ASXL1: variants seen among roughly 807,000 people sequenced by gnomAD.
The protein encoded by ASXL1 is ASXL transcriptional regulator 1.
A neutral mutation model predicts 89.1 loss-of-function variants in ASXL1; 65 were observed. The observed-to-expected ratio is 0.73, with a 90% CI of 0.60 to 0.90. The LOEUF (loss-of-function observed/expected upper bound fraction) is 0.90. ASXL1 is among the 40% of genes least tolerant of loss of function. The probability of loss-of-function intolerance (pLI) is 0.00; values close to 1 mark genes in which losing one functional copy is unlikely to be tolerated. For missense variants in ASXL1, 1,786 were observed against 1,942.9 expected (o/e 0.92, Z 1.52); for synonymous variants, 739 against 746.9 (o/e 0.99, Z 0.17).
At chr20:32,400,425 T>C (rs968967443) in intron 4 of ASXL1, among the ~76,000 whole-genome samples, 5 of 152,230 alleles carry the variant, frequency 3.3e-5, no homozygotes, top group African/African-American at 1.2e-4. Flanking sequence ...ATTTGTTAGC[T>C]GGGAACGGTG....
intron 4 of ASXL1, among the ~76,000 whole-genome samples, chr20:32,376,058 C>T (rs1459278721): frequency 2.0e-5 from 3 of 151,936 alleles, no homozygotes; most frequent in African/African-American, 7.3e-5. Flanking sequence ...TGTTTTACTG[C>T]CAGTACTAAT....
intron 4 of ASXL1, among the ~76,000 whole-genome samples, chr20:32,410,909 T>C (rs2049030381): frequency 6.6e-6 from 1 of 151,730 alleles, no homozygotes; most frequent in Admixed American, 6.6e-5. Context: ...CGCATGCCTG[T>C]AATCTCAGCT....
chr20:32,373,241 G>A (rs1460915469), intron 4 of ASXL1, among the ~76,000 whole-genome samples: 2 of 151,896 alleles, frequency 1.3e-5, no homozygotes, highest in East Asian at 4.0e-4. Context: ...GCCGGGCGTG[G>A]TTGTGCACGC....
chr20:32,399,391 TGAGCATTA>T (rs2048829329), intron 4 of ASXL1, among the ~76,000 whole-genome samples: 2 of 152,170 alleles, frequency 1.3e-5, no homozygotes, highest in Admixed American at 6.5e-5. Context: ...TTACTGGTTT[TGAGCATTA>T]GATTATGATA....
At chr20:32,382,120 CTATTTTTATTTTTTATTTTT>C (rs1233361039) in intron 4 of ASXL1, among the ~76,000 whole-genome samples, 4 of 151,796 alleles carry the variant, frequency 2.6e-5, no homozygotes, top group African/African-American at 9.7e-5. Context: ...CCAGGCCTGG[CTATTTTTATTTTTTATTTTT>C]TATTTTTATT....
intron 4 of ASXL1, among the ~76,000 whole-genome samples, chr20:32,426,026 A>G (rs1050845008): frequency 6.6e-6 from 1 of 152,194 alleles, no homozygotes; most frequent in African/African-American, 2.4e-5. Context: ...TGTAGTCTAA[A>G]TACAAGTTCT....
intron 12 of ASXL1, 156 bp from the exon 13 acceptor site, chr20:32,434,276 T>C: frequency 1.0e-6 from 1 of 973,616 alleles, no homozygotes; most frequent in Non-Finnish European, 1.6e-6. Context: ...TGGTGTGTTA[T>C]GGCGCCATTT....
At chr20:32,402,011 C>T (rs1569286083) in intron 4 of ASXL1, among the ~76,000 whole-genome samples, 1 of 152,184 alleles carries the variant, frequency 6.6e-6, no homozygotes, top group East Asian at 1.9e-4. Context: ...CTGCAGTTGA[C>T]CATGCGTAGC....
intron 4 of ASXL1, among the ~76,000 whole-genome samples, chr20:32,421,620 A>G (rs2049251405): frequency 6.6e-6 from 1 of 152,240 alleles, no homozygotes; most frequent in East Asian, 1.9e-4. Context: ...CCAAATGTCC[A>G]TCAAGAGAGA....
At chr20:32,424,035 G>C (rs2011207573) in intron 4 of ASXL1, among the ~76,000 whole-genome samples, 1 of 152,174 alleles carries the variant, frequency 6.6e-6, no homozygotes, top group South Asian at 2.1e-4. Context: ...CCCTATTCCT[G>C]TTTGTTTAAC....
At chr20:32,434,294 A>AT (rs1212121644) in intron 12 of ASXL1, 138 bp from the exon 13 acceptor site, 4 of 1,132,502 alleles carry the variant, frequency 3.5e-6, no homozygotes, top group Non-Finnish European at 5.2e-6. Flanking sequence ...TTTTACTATG[A>AT]TGATTTCATT....
rs988568801 is a variant in ASXL1, at chr20:32,433,787, C to T, written c.1589C>T (p.Ala530Val). The change falls in exon 12 of 13, where the codon GCG (alanine) becomes GTG (valine). Residue 530 changes from alanine to valine, a missense_variant. By Grantham distance (64) the Ala-to-Val change is moderately conservative (BLOSUM62 0). Transcript: ENST00000375687. Reference protein sequence around the residue: ...KDQKRKSFEQAASASFPEKKP... With the variant: ...KDQKRKSFEQVASASFPEKKP... The stretch of plus-strand genomic sequence containing the variant: ...CAGAAGAGGAAATCCTTTGAGCAGG[C>T]GGCCTCTGCATCCTTTCCCGAAAAG... The T allele has an allele frequency of 8.7e-6, 14 of 1,614,050 alleles. No homozygotes were observed. Among genetic ancestry groups the T allele is most frequent in the African/African-American group, 5.3e-5 (4 of 74,916 alleles).
chr20:32,386,096 T>A (rs1458496826), intron 4 of ASXL1, among the ~76,000 whole-genome samples: 1 of 152,212 alleles, frequency 6.6e-6, no homozygotes, highest in Non-Finnish European at 1.5e-5. Context: ...GGGTGATTGT[T>A]TGATGTGTCT....
intron 1 of ASXL1, chr20:32,360,528 G>T: frequency 6.6e-6 from 1 of 152,620 alleles, no homozygotes. Flanking sequence ...CTGTTATGCG[G>T]GTGTTTATGA....
chr20:32,435,223 G>A lies in ASXL1; in HGVS notation c.2511G>A (p.Met837Ile), dbSNP rs2145368221. 1 of 1,614,018 alleles carries A rather than the reference G, an allele frequency of 6.2e-7. No homozygotes were observed. Among genetic ancestry groups the A allele is most frequent in the Non-Finnish European group, 8.5e-7 (1 of 1,180,008 alleles). ...TGQALDSHPT[M>I]KDPVNVTPSS... Reference sequence around the variant, plus strand: ...AAGCTCTTGACAGTCATCCCACTATGAAGGATCCTGTAAATGTGACCCCCA... The same window carrying A: ...AAGCTCTTGACAGTCATCCCACTATAAAGGATCCTGTAAATGTGACCCCCA... The change falls in exon 13 of 13, where the codon ATG (methionine) becomes ATA (isoleucine). Residue 837 changes from methionine (M) to isoleucine (I), a missense_variant. This residue lies in a region of ASXL1 where 1,418 missense variants were observed against 1,427.8 expected (regional missense o/e 0.99). Transcript: ENST00000375687.
chr20:32,373,946 A>G (rs1263443776), intron 4 of ASXL1, among the ~76,000 whole-genome samples: 1 of 152,166 alleles, frequency 6.6e-6, no homozygotes, highest in Non-Finnish European at 1.5e-5. Flanking sequence ...CATTCAGTTA[A>G]TATATTTTGA....
At position 32,436,155 on chromosome 20, in the gene ASXL1, G is replaced by A. The variant is rs555465153; in HGVS notation, c.3443G>A (p.Arg1148His). The change falls in exon 13 of 13, where the codon CGC becomes CAC. Residue 1148 changes from arginine (R) to histidine (H), a missense_variant. By Grantham distance (29) the Arg-to-His change is conservative. Around this residue, in one of 3 missense-constraint regions of ASXL1, gnomAD observed 1,418 missense variants for 1,427.8 expected, o/e 0.99. Transcript: ENST00000375687. ...AAAGACCAGAGCCATGGCTCGCTAC[G>A]CATGGGATCTTTACATGGTCTTGGA... ...LTKDQSHGSL[R>H]MGSLHGLGKN... 5.0e-5 allele frequency: 80 copies of A among 1,614,192 alleles called. No individual in the cohort carries two copies. The highest frequency in any genetic ancestry group is 1.8e-4 in the Admixed American group (11 of 60,030).
At position 32,437,591 on chromosome 20, in the gene ASXL1, C is replaced by A; in HGVS notation, c.*253C>A. ...CCTGAGCTCTCCTGCAAGACAGAGCCTGATGTGGCACGGAGTGGGGTTGCG... is the reference window on the plus strand; with the variant it reads ...CCTGAGCTCTCCTGCAAGACAGAGCATGATGTGGCACGGAGTGGGGTTGCG... On this transcript the variant is annotated 3_prime_UTR_variant, in exon 13 of 13. Transcript: ENST00000375687. 1 of 538,222 alleles carries A rather than the reference C, an allele frequency of 1.9e-6. No homozygotes were observed. The highest frequency in any genetic ancestry group is 3.3e-6 in the Non-Finnish European group (1 of 305,360). 33.3% of individuals were successfully genotyped at this position (538,222 alleles called of 1,614,324 possible).
chr20:32,401,941 T>C (rs2048882762), intron 4 of ASXL1, among the ~76,000 whole-genome samples: 1 of 152,208 alleles, frequency 6.6e-6, no homozygotes, highest in Non-Finnish European at 1.5e-5. Context: ...TATAACAATA[T>C]ACTATAATAA....
Sources: gnomAD v4.1 joint callset for allele counts (sites outside exome capture counted in the v4.1 genomes callset) on GRCh38, gnomAD v4.1.1 for gene constraint, gnomAD v4.1.1 regional missense constraint, MANE v1.5 for transcripts, NCBI Gene and HGNC (gene_info 2026-07-23, HGNC 2026-07-21) for gene names.